The following ACAT1 variants were observed in gnomAD, a reference collection of about 807,000 sequenced individuals.
ACAT1 encodes the protein acetyl-CoA acetyltransferase 1, also known as acetyl-CoA acetyltransferase, mitochondrial.
Under a neutral mutation model 47.3 loss-of-function variants are expected in ACAT1, and 28 were observed. The observed-to-expected ratio is 0.59, with a 90% CI of 0.44 to 0.81. ACAT1 has a LOEUF of 0.81. Among genes scored for constraint, ACAT1 ranks in the 30% least tolerant of loss-of-function variants. ACAT1 has a pLI of 0.00. For missense variants in ACAT1, 469 were observed against 524.3 expected (o/e 0.89, Z 1.03); for synonymous variants, 181 against 173.6 (o/e 1.04, Z -0.34).
At chr11:108,117,309 CTTTTT>C (rs1161979278), upstream of ACAT1, among the ~76,000 whole-genome samples, 1 of 137,828 alleles carries the variant, frequency 7.3e-6, no homozygotes. Flanking sequence ...CTGTCTCTCT[CTTTTT>C]TTTTTTTTTT....
At position 108,131,354 on chromosome 11, in the gene ACAT1, A is replaced by ATTTTTTTTTTTTT. The variant is rs397951009; in HGVS notation, c.73-547_73-535dup. Among the ~76,000 whole-genome samples the ATTTTTTTTTTTTT allele has an allele frequency of 3.1e-3, 194 of 62,638 alleles. 36 individuals carry two copies. The highest frequency in any genetic ancestry group is 0.036 in the Middle Eastern group (2 of 56). The allele number at this position is 62,638 out of a possible 152,430, so 41.1% of individuals were successfully genotyped here. A position where few individuals can be genotyped will look rare whatever the true frequency, so the allele number is the denominator to read the frequency against. Reference sequence around the variant, plus strand: ...AAGCTATATTTAAGAAAGACTTGGAATTTTTTTTTTTTTTTTTTAGACAGT... The same window carrying ATTTTTTTTTTTTT: ...AAGCTATATTTAAGAAAGACTTGGAATTTTTTTTTTTTTTTTTTTTTTTTTTTTTTTAGACAGT... On this transcript the variant is annotated intron_variant, in intron 1 of 11. Transcript: ENST00000265838.
At position 108,133,741 on chromosome 11, in the gene ACAT1, G is replaced by T. The variant is rs553246561; in HGVS notation, c.121-79G>T. Reference sequence around the variant, plus strand: ...GACTCATTCATAGAAGTGTTTTTTTGATAATATATTTATGTTTATTTAATG... The same window carrying T: ...GACTCATTCATAGAAGTGTTTTTTTTATAATATATTTATGTTTATTTAATG... On this transcript the variant is annotated intron_variant, in intron 2 of 11. Transcript: ENST00000265838. 3.1e-5 allele frequency: 36 copies of T among 1,179,634 alleles called. No homozygotes were observed. The South Asian group carries it at 3.3e-4, about 11-fold the overall frequency. The allele number at this position is 1,179,634 out of a possible 1,614,324, so 73.1% of individuals were successfully genotyped here.
intron 7 of ACAT1, 62 bp from the exon 8 acceptor site, chr11:108,141,543 A>T: frequency 7.8e-7 from 1 of 1,274,712 alleles, no homozygotes; most frequent in Non-Finnish European, 1.1e-6. Flanking sequence ...ATCTTGTACA[A>T]CAGTTGCTTG....
intron 4 of ACAT1, among the ~76,000 whole-genome samples, chr11:108,134,731 G>A (rs138304923): frequency 0.013 from 1,899 of 151,016 alleles, 38 homozygotes; most frequent in African/African-American, 0.04. Context: ...GGATCACGAG[G>A]TCAGGAGATT....
At chr11:108,146,155 G>GTGAT (rs975963561) in intron 10 of ACAT1, 47 bp from the exon 11 acceptor site, 1 of 1,453,600 alleles carries the variant, frequency 6.9e-7, no homozygotes, top group African/African-American at 1.4e-5. Context: ...ACAGTAAGTT[G>GTGAT]TGATTGCTAA....
chr11:108,138,446 G>T (rs2077512848), intron 5 of ACAT1, among the ~76,000 whole-genome samples: 1 of 150,174 alleles, frequency 6.7e-6, no homozygotes, highest in Non-Finnish European at 1.5e-5. Flanking sequence ...CCCCAGGCTG[G>T]AGTGCAGTGG....
intron 5 of ACAT1, among the ~76,000 whole-genome samples, chr11:108,138,207 G>A (rs1001470750): frequency 4.6e-5 from 7 of 151,714 alleles, no homozygotes; most frequent in East Asian, 2.0e-4. Flanking sequence ...GGATGGTCTC[G>A]ATTTCCTGAC....
chr11:108,142,972 A>T (rs1440456457), intron 9 of ACAT1: 1 of 191,928 alleles, frequency 5.2e-6, no homozygotes, highest in African/African-American at 2.3e-5. Context: ...ACATATTTCA[A>T]TTGAGATAGA....
chr11:108,132,660 C>A (rs1265261885), intron 2 of ACAT1, among the ~76,000 whole-genome samples: 2 of 151,412 alleles, frequency 1.3e-5, no homozygotes, highest in Non-Finnish European at 2.9e-5. Flanking sequence ...CGAGACCATC[C>A]TGGCTAACAC....
Position 108,144,042 on chromosome 11 carries a change from T to C in ACAT1, c.1000T>C (p.Ser334Pro). 8.5e-6 allele frequency: 12 copies of C among 1,414,994 alleles called. No individual in the cohort carries two copies. Among genetic ancestry groups the C allele is most frequent in the Non-Finnish European group, 1.1e-5 (12 of 1,055,000 alleles). The allele number at this position is 1,414,994 out of a possible 1,614,324, so 87.7% of individuals were successfully genotyped here. The change falls in exon 10 of 12, where the codon TCT (serine) becomes CCT (proline). Residue 334 changes from serine to proline, a missense_variant. Ser to Pro is a moderately conservative substitution (Grantham distance 74, BLOSUM62 -1). Transcript: ENST00000265838. ...TCCAATTGCTCCTGTATATGCTGCATCTATGGTGAGAACAAAGTGAGGGGC... is the reference window on the plus strand; with the variant it reads ...TCCAATTGCTCCTGTATATGCTGCACCTATGGTGAGAACAAAGTGAGGGGC... ...DFPIAPVYAA[S>P]MVLKDVGLKK...
intron 7 of ACAT1, 137 bp from the exon 8 acceptor site, chr11:108,141,468 A>G (rs1318912184): frequency 2.0e-5 from 13 of 635,134 alleles, no homozygotes; most frequent in Non-Finnish European, 3.4e-5. Flanking sequence ...CAGATTCTAG[A>G]TGAGTGTTTA....
chr11:108,134,789 C>T (rs571558145), intron 4 of ACAT1, among the ~76,000 whole-genome samples: 4 of 149,212 alleles, frequency 2.7e-5, no homozygotes, highest in East Asian at 2.0e-4. Flanking sequence ...ACTAAAAATA[C>T]AAAAAATTAG....
At chr11:108,136,272 C>T in intron 5 of ACAT1, 1 of 409,972 alleles carries the variant, frequency 2.4e-6, no homozygotes, top group Non-Finnish European at 4.3e-6. Flanking sequence ...GAGTGGTGAA[C>T]AAAACATTTA....
At chr11:108,124,464 TG>T (rs1306368927) in intron 1 of ACAT1, among the ~76,000 whole-genome samples, 2 of 152,058 alleles carry the variant, frequency 1.3e-5, no homozygotes. Flanking sequence ...GCTTTCACCA[TG>T]TTGGTCAGGA....
At chr11:108,129,034 C>T (rs558704202) in intron 1 of ACAT1, 3 of 152,128 alleles carry the variant, frequency 2.0e-5, no homozygotes, top group Non-Finnish European at 4.4e-5. Flanking sequence ...TTCCTCACCC[C>T]CACCCCCCGC....
Position 108,134,096 on chromosome 11 carries a change from T to C in ACAT1, c.239-125T>C, listed in dbSNP as rs150258264. 1.1e-5 allele frequency: 13 copies of C among 1,181,010 alleles called. No individual in the cohort carries two copies. The African/African-American group carries it at 2.0e-4, about 18-fold the overall frequency. The allele number at this position is 1,181,010 out of a possible 1,614,324, so 73.2% of individuals were successfully genotyped here. A position where few individuals can be genotyped will look rare whatever the true frequency, so the allele number is the denominator to read the frequency against. On this transcript the variant is annotated intron_variant, in intron 3 of 11. Transcript: ENST00000265838. ...AGTCTTTGTACTATACAGTTTAGAT[T>C]GAAACTCAAAACTGACAAAAAAAAG...
intron 11 of ACAT1, 21 bp downstream of exon 11, chr11:108,146,380 T>G (rs2077709762): frequency 6.2e-7 from 1 of 1,611,936 alleles, no homozygotes; most frequent in Admixed American, 1.7e-5. Context: ...ATAATAACTA[T>G]ATCTAGGTTA....
chr11:108,146,104 A>T, intron 10 of ACAT1, 98 bp from the exon 11 acceptor site: 1 of 1,123,948 alleles, frequency 8.9e-7, no homozygotes, highest in Non-Finnish European at 1.3e-6. Flanking sequence ...TTCCATATTT[A>T]AATAACTTAT....
upstream of ACAT1, chr11:108,121,276 A>G (rs1479521203): frequency 1.1e-5 from 5 of 464,846 alleles, no homozygotes; most frequent in East Asian, 1.7e-4. Flanking sequence ...TGCTCAGTAA[A>G]TCGAAAAATC....
Sources: allele counts gnomAD v4.1 joint callset (sites outside exome capture counted in the v4.1 genomes callset), GRCh38; gene constraint gnomAD v4.1.1; transcripts MANE v1.5; gene names NCBI Gene and HGNC (gene_info 2026-07-23, HGNC 2026-07-21).